Variants in MGST1 observed in about 807,000 individuals in gnomAD.
The protein encoded by MGST1 is microsomal glutathione S-transferase 1.
A neutral mutation model predicts 8.9 loss-of-function variants in MGST1; 5 were observed. That is an observed-to-expected ratio of 0.56 (90% CI 0.29 to 1.19). MGST1 has a LOEUF of 1.19. Among genes scored for constraint, MGST1 ranks in the 50% most tolerant of loss-of-function variants. The pLI is 0.08. For synonymous variants in MGST1, 54 were observed against 67.8 expected (o/e 0.80, Z 1.00); for missense variants, 182 against 187.4 (o/e 0.97, Z 0.17).
chr12:16,472,146 T>G (rs1023129435), intron 4 of MGST1, among the ~76,000 whole-genome samples: 1 of 152,186 alleles, frequency 6.6e-6, no homozygotes, highest in Non-Finnish European at 1.5e-5. Context: ...AAGACTACTA[T>G]TATAATCTCT....
rs1028847990 is a variant in MGST1, at chr12:16,410,418, G to A, written n.778+26814G>A. Reference sequence around the variant, plus strand: ...CCCACCAGTTCTCACCCGAATTGCTGCAATAGCCCGTCTGTGTTTTCTAAA... The same window carrying A: ...CCCACCAGTTCTCACCCGAATTGCTACAATAGCCCGTCTGTGTTTTCTAAA... On this transcript the variant is annotated intron_variant and non_coding_transcript_variant, in intron 1 of 1. Transcript: ENST00000359720. This position sits in a 1 kb window ranked among gnomAD's most constrained non-coding sequence, Gnocchi z 4.4. Among the ~76,000 whole-genome samples, 1 of 151,870 alleles carries A rather than the reference G, an allele frequency of 6.6e-6. No individual in the cohort carries two copies. Among genetic ancestry groups the A allele is most frequent in the African/African-American group, 2.4e-5 (1 of 41,376 alleles).
intron 1 of MGST1, among the ~76,000 whole-genome samples, chr12:16,403,840 AACTC>A (rs1362320642): frequency 6.6e-6 from 1 of 152,114 alleles, no homozygotes; most frequent in Non-Finnish European, 1.5e-5. Context: ...ATCTTGTGAG[AACTC>A]ACTCACTATC....
intron 4 of MGST1, among the ~76,000 whole-genome samples, chr12:16,527,268 T>C (rs190734242): frequency 2.6e-5 from 4 of 152,136 alleles, no homozygotes; most frequent in Admixed American, 2.6e-4. Context: ...AAAGAATAAA[T>C]TCTAAAGCTC....
intron 4 of MGST1, among the ~76,000 whole-genome samples, chr12:16,531,318 T>G (rs1410092258): frequency 6.6e-6 from 1 of 152,118 alleles, no homozygotes; most frequent in Non-Finnish European, 1.5e-5. Flanking sequence ...TATTTTTATT[T>G]GACAAACTAG....
Position 16,363,712 on chromosome 12 carries a change from T to C in MGST1, c.222-83T>C. 1 of 1,204,424 alleles carries C rather than the reference T, an allele frequency of 8.3e-7. No individual in the cohort carries two copies. The highest frequency in any genetic ancestry group is 2.5e-5 in the East Asian group (1 of 40,734). The allele number at this position is 1,204,424 out of a possible 1,614,324, so 74.6% of individuals were successfully genotyped here. The stretch of plus-strand genomic sequence containing the variant: ...ATTTAAGGATCCATTAGTGCTCAGA[T>C]TTAGTTTTTAGAAGAGAGAGAAAAA... On this transcript the variant is annotated intron_variant, in intron 3 of 3. Coordinates refer to ENST00000396210, the MANE Select transcript of MGST1 (RefSeq NM_020300.5). The surrounding 1 kb of genome is among the most constrained non-coding windows in gnomAD (Gnocchi z 4.6).
intron 1 of MGST1, among the ~76,000 whole-genome samples, chr12:16,416,347 A>G (rs1940788206): frequency 1.3e-5 from 2 of 152,222 alleles, no homozygotes; most frequent in South Asian, 4.1e-4. Flanking sequence ...CAAAAAATAC[A>G]AAAATGTGTA....
intron 4 of MGST1, among the ~76,000 whole-genome samples, chr12:16,512,039 T>C (rs991259314): frequency 7.9e-5 from 12 of 152,170 alleles, no homozygotes; most frequent in Admixed American, 3.3e-4. Flanking sequence ...ATTTCAAGAA[T>C]TTTCTTGAGT....
chr12:16,402,330 C>A lies in MGST1; in HGVS notation n.778+18726C>A, dbSNP rs1043238409. 10 of 1,596,840 alleles carry A rather than the reference C, an allele frequency of 6.3e-6. No homozygotes were observed. In the African/African-American group the frequency reaches 1.1e-4, roughly 17 times the overall value. On this transcript the variant is annotated intron_variant and non_coding_transcript_variant, in intron 1 of 1. Transcript: ENST00000359720. ...ACCCACTGATGCAACAATGGCTCAACGTTGGCATACTCATCTTCTCCTTTC... is the reference window on the plus strand; with the variant it reads ...ACCCACTGATGCAACAATGGCTCAAAGTTGGCATACTCATCTTCTCCTTTC...
chr12:16,519,246 C>T lies in MGST1; in HGVS notation n.483-70282C>T, dbSNP rs1272021557. On this transcript the variant is annotated intron_variant and non_coding_transcript_variant, in intron 4 of 4. Transcript: ENST00000538857. ...ATTATGCATAAAATACCTGGCATATCGTAGACAGTTATTGACTTATAACTA... is the reference window on the plus strand; with the variant it reads ...ATTATGCATAAAATACCTGGCATATTGTAGACAGTTATTGACTTATAACTA... Among the ~76,000 whole-genome samples the T allele has an allele frequency of 3.9e-5, 6 of 152,152 alleles. 1 individual carries two copies. The highest frequency in any genetic ancestry group is 4.1e-4 in the South Asian group (2 of 4,826).
intron 2 of MGST1, among the ~76,000 whole-genome samples, chr12:16,355,672 G>A (rs11056904): frequency 6.6e-6 from 1 of 152,192 alleles, no homozygotes; most frequent in African/African-American, 2.4e-5. Context: ...TAAAAGAAAA[G>A]ATGAAGGGAA....
At chr12:16,523,619 T>C (rs575871229) in intron 4 of MGST1, among the ~76,000 whole-genome samples, 1 of 152,110 alleles carries the variant, frequency 6.6e-6, no homozygotes, top group Non-Finnish European at 1.5e-5. Flanking sequence ...TATGATTCTG[T>C]CTTACATGCT....
chr12:16,489,229 A>T (rs143692546), intron 4 of MGST1, among the ~76,000 whole-genome samples: 2,260 of 152,276 alleles, frequency 0.015, 51 homozygotes, highest in African/African-American at 0.052. Flanking sequence ...TAAATAAATG[A>T]CAGTTTCCAA....
At chr12:16,443,301 A>C (rs1378884744), downstream of MGST1, among the ~76,000 whole-genome samples, 3 of 151,802 alleles carry the variant, frequency 2.0e-5, no homozygotes, top group African/African-American at 7.2e-5. Flanking sequence ...ATATATCTAA[A>C]TCTTGTGTTT....
At chr12:16,463,115 T>G (rs1467061783) in intron 4 of MGST1, among the ~76,000 whole-genome samples, 2 of 152,156 alleles carry the variant, frequency 1.3e-5, no homozygotes, top group African/African-American at 4.8e-5. Context: ...CTTAAAAAAC[T>G]AAGCAAAAGG....
At chr12:16,591,184 T>C (rs1227012717), downstream of MGST1, among the ~76,000 whole-genome samples, 1 of 151,974 alleles carries the variant, frequency 6.6e-6, no homozygotes, top group Non-Finnish European at 1.5e-5. This position sits in a 1 kb window ranked among gnomAD's most constrained non-coding sequence, Gnocchi z 4.1. Context: ...TTCTTGCCCC[T>C]CCTGCTCTCC....
At chr12:16,385,875 T>C (rs1157636104) in intron 1 of MGST1, among the ~76,000 whole-genome samples, 1 of 152,120 alleles carries the variant, frequency 6.6e-6, no homozygotes, top group East Asian at 1.9e-4. Context: ...TTTCTACCTC[T>C]TAAGAGTCAA....
Position 16,490,103 on chromosome 12 carries a change from GA to G in MGST1, n.483-99415del, listed in dbSNP as rs902278259. 2.3e-3 allele frequency among the ~76,000 whole-genome samples: 334 copies of G among 147,260 alleles called. 3 individuals carry two copies. The East Asian group carries it at 0.026, about 11-fold the overall frequency. ...GTAGTGAGACCCTATCTTTACAAAA[GA>G]AAAAAAAAAGTAGCTGGGCATGATA... On this transcript the variant is annotated intron_variant and non_coding_transcript_variant, in intron 4 of 4. Coordinates refer to the MGST1 transcript ENST00000538857.
chr12:16,351,274 A>G (rs1344191357), intron 1 of MGST1, among the ~76,000 whole-genome samples: 3 of 152,146 alleles, frequency 2.0e-5, no homozygotes, highest in Non-Finnish European at 4.4e-5. Context: ...TACTTTACCT[A>G]CACTCTGAAG....
chr12:16,472,039 T>C (rs987303929), intron 4 of MGST1, among the ~76,000 whole-genome samples: 3 of 152,182 alleles, frequency 2.0e-5, no homozygotes, highest in African/African-American at 7.2e-5. Flanking sequence ...GTTCATTATT[T>C]GCCTTCACTT....
Sources: allele counts gnomAD v4.1 joint callset (sites outside exome capture counted in the v4.1 genomes callset), GRCh38; gene constraint gnomAD v4.1.1; non-coding constraint Gnocchi (gnomAD v3.1); transcripts MANE v1.5; gene names NCBI Gene and HGNC (gene_info 2026-07-23, HGNC 2026-07-21).